The following SSBP2 variants were observed in gnomAD, a reference collection of about 807,000 sequenced individuals.
SSBP2 encodes the protein single stranded DNA binding protein 2.
In SSBP2, 17 loss-of-function variants were observed where a neutral mutation model predicts 61.8. The ratio of observed to expected loss-of-function variants is 0.28; its 90% CI spans 0.19 to 0.41. The LOEUF (loss-of-function observed/expected upper bound fraction) is 0.41. Ranked by LOEUF, SSBP2 falls within the 10% of genes least tolerant of loss-of-function variation. SSBP2 has a pLI of 1.00. For missense variants in SSBP2, 310 were observed against 458.7 expected (o/e 0.68, Z 2.96); for synonymous variants, 139 against 141.3 (o/e 0.98, Z 0.12).
At chr5:81,711,330 T>C (rs1417513229) in intron 1 of SSBP2, among the ~76,000 whole-genome samples, 1 of 152,094 alleles carries the variant, frequency 6.6e-6, no homozygotes, top group Non-Finnish European at 1.5e-5. Flanking sequence ...ATTCCAAATA[T>C]ACCAAAATAT....
chr5:81,608,198 T>C (rs115371872), intron 4 of SSBP2, among the ~76,000 whole-genome samples: 1,664 of 152,302 alleles, frequency 0.011, 29 homozygotes, highest in African/African-American at 0.038. Context: ...ACAAGTCCCA[T>C]ATCATCAGCC....
chr5:81,496,833 G>T (rs1767323356), intron 5 of SSBP2, among the ~76,000 whole-genome samples: 1 of 152,072 alleles, frequency 6.6e-6, no homozygotes, highest in Non-Finnish European at 1.5e-5. Context: ...TAGAATAACG[G>T]CAGATACACA....
At chr5:81,609,117 C>T (rs564198609) in intron 4 of SSBP2, among the ~76,000 whole-genome samples, 2 of 152,234 alleles carry the variant, frequency 1.3e-5, no homozygotes, top group East Asian at 1.9e-4. Flanking sequence ...CGATCTATGG[C>T]CCTTCTACAA....
intron 4 of SSBP2, among the ~76,000 whole-genome samples, chr5:81,546,030 T>C (rs981609849): frequency 2.6e-5 from 4 of 152,200 alleles, no homozygotes; most frequent in African/African-American, 9.6e-5. Flanking sequence ...TCCTTCTTTT[T>C]TCCTTCAATA....
intron 1 of SSBP2, 116 bp downstream of exon 1, chr5:81,750,865 G>A: frequency 1.9e-6 from 2 of 1,063,554 alleles, no homozygotes; most frequent in Non-Finnish European, 2.7e-6. Flanking sequence ...CCCCCTGCCA[G>A]CCCACCCCCG....
At chr5:81,685,099 C>T (rs2153821498) in intron 1 of SSBP2, among the ~76,000 whole-genome samples, 1 of 152,206 alleles carries the variant, frequency 6.6e-6, no homozygotes, top group East Asian at 1.9e-4. Context: ...TCTCTCTCTC[C>T]TGCTGCATGT....
At chr5:81,590,380 CACA>C (rs1217619879) in intron 4 of SSBP2, among the ~76,000 whole-genome samples, 4 of 152,112 alleles carry the variant, frequency 2.6e-5, no homozygotes, top group African/African-American at 4.8e-5. Flanking sequence ...TCAAGCTTAC[CACA>C]ACAACAAAAA....
chr5:81,628,772 A>C (rs1747421348), intron 3 of SSBP2, among the ~76,000 whole-genome samples: 1 of 152,214 alleles, frequency 6.6e-6, no homozygotes, highest in South Asian at 2.1e-4. Flanking sequence ...AAAGCTCCAG[A>C]AAGTCAATCA....
At chr5:81,473,567 T>C (rs1043573307) in intron 8 of SSBP2, 133 bp downstream of exon 8, 1 of 757,170 alleles carries the variant, frequency 1.3e-6, no homozygotes, top group Admixed American at 2.2e-5. Context: ...AAGGACATAA[T>C]CGCATTCCTT....
chr5:81,698,315 A>C lies in SSBP2; in HGVS notation c.63-47976T>G, dbSNP rs554663792. On this transcript the variant is annotated intron_variant, in intron 1 of 16. Transcript: ENST00000320672. ...CTATGTGTACTACAAGGATTTAATA[A>C]ATCATTTTTATCTGAATGTTCTACC... Among the ~76,000 whole-genome samples the C allele has an allele frequency of 3.9e-5, 6 of 152,354 alleles. No homozygotes were observed. In the East Asian group the frequency reaches 1.2e-3, roughly 29 times the overall value.
chr5:81,607,299 G>A lies in SSBP2; in HGVS notation c.282+8174C>T, dbSNP rs145975230. On this transcript the variant is annotated intron_variant, in intron 4 of 16. Transcript: ENST00000320672. ...CAAGAAGTAATACTGAAAGAATCAC[G>A]TAAGAGTGGTACAATGTTCCCGCAG... 2.2e-4 allele frequency among the ~76,000 whole-genome samples: 33 copies of A among 152,244 alleles called. No homozygotes were observed. The East Asian group carries it at 5.4e-3, about 25-fold the overall frequency.
chr5:81,751,131 G>T (rs935142190), upstream of SSBP2: 8 of 1,375,010 alleles, frequency 5.8e-6, no homozygotes, highest in African/African-American at 4.3e-5. Flanking sequence ...GGCGACCCAC[G>T]CAGCCACCCC....
chr5:81,596,239 T>C (rs1040656386), intron 4 of SSBP2, among the ~76,000 whole-genome samples: 10 of 151,856 alleles, frequency 6.6e-5, no homozygotes, highest in South Asian at 2.1e-4. Flanking sequence ...CCATTCACAA[T>C]TGCTTCAAAG....
rs1441294726 is a variant in SSBP2 at position 81,446,934 on chromosome 5, T to C, written c.724-12A>G. On this transcript the variant is annotated splice_polypyrimidine_tract_variant and intron_variant, in intron 11 of 16. Transcript: ENST00000320672. ...CCTCCTGGAGGACCCTAAATAATTA[T>C]ACAAAATTTCAGTAAAAATAAGGCA... The C allele has an allele frequency of 5.7e-6, 9 of 1,583,158 alleles. No homozygotes were observed. The highest frequency in any genetic ancestry group is 4.7e-5 in the South Asian group (4 of 84,584).
intron 4 of SSBP2, among the ~76,000 whole-genome samples, chr5:81,606,089 T>C (rs1744856572): frequency 6.6e-6 from 1 of 152,110 alleles, no homozygotes; most frequent in African/African-American, 2.4e-5. Context: ...ACAATTTTGA[T>C]CCAGGAAAAT....
At chr5:81,478,187 G>C (rs959946412) in intron 6 of SSBP2, among the ~76,000 whole-genome samples, 11 of 151,916 alleles carry the variant, frequency 7.2e-5, no homozygotes, top group African/African-American at 2.7e-4. Flanking sequence ...TTAGAGAAAA[G>C]GTCTCCCTCA....
intron 1 of SSBP2, among the ~76,000 whole-genome samples, chr5:81,691,275 T>C (rs762551146): frequency 6.6e-6 from 1 of 151,996 alleles, no homozygotes; most frequent in Non-Finnish European, 1.5e-5. Flanking sequence ...AATGAAAAAG[T>C]TGTTTTTTTC....
intron 4 of SSBP2, among the ~76,000 whole-genome samples, chr5:81,580,389 T>C (rs982209042): frequency 6.6e-6 from 1 of 152,180 alleles, no homozygotes; most frequent in East Asian, 1.9e-4. Flanking sequence ...GGAGAATCCA[T>C]GTTAACTCCA....
chr5:81,651,183 TCA>T (rs1749696848), intron 1 of SSBP2, among the ~76,000 whole-genome samples: 1 of 152,100 alleles, frequency 6.6e-6, no homozygotes, highest in African/African-American at 2.4e-5. Context: ...CCCAGATAGC[TCA>T]CAACAGTTCA....
Sources: allele counts gnomAD v4.1 joint callset (sites outside exome capture counted in the v4.1 genomes callset), GRCh38; gene constraint gnomAD v4.1.1; transcripts MANE v1.5; gene names NCBI Gene and HGNC (gene_info 2026-07-23, HGNC 2026-07-21).